The following ESR1 variants were observed in gnomAD, a reference collection of about 807,000 sequenced individuals.
ESR1 encodes the protein estrogen receptor 1, also known as estrogen receptor.
ESR1 carries 12 observed loss-of-function variants against 52.7 expected under a neutral mutation model. The ratio of observed to expected loss-of-function variants is 0.23; its 90% CI spans 0.15 to 0.37. ESR1 has a LOEUF of 0.37. Ranked by LOEUF, ESR1 falls within the 10% of genes least tolerant of loss-of-function variation. The pLI is 1.00. For synonymous variants in ESR1, 305 were observed against 316.8 expected (o/e 0.96, Z 0.39); for missense variants, 584 against 779.7 (o/e 0.75, Z 2.99).
chr6:151,667,784 G>C (rs1465704084), intron 1 of ESR1, among the ~76,000 whole-genome samples: 3 of 152,182 alleles, frequency 2.0e-5, no homozygotes, highest in Non-Finnish European at 1.5e-5. Context: ...AAAATATGCT[G>C]ATGAGCCACA....
intron 4 of ESR1, among the ~76,000 whole-genome samples, chr6:151,958,263 G>GA (rs2037228771): frequency 6.6e-6 from 1 of 152,094 alleles, no homozygotes; most frequent in Non-Finnish European, 1.5e-5. Flanking sequence ...TTATAACTTT[G>GA]AAAAGGAATT....
intron 2 of ESR1, among the ~76,000 whole-genome samples, chr6:151,761,172 TA>T (rs560416730): frequency 2.8e-4 from 41 of 146,902 alleles, no homozygotes; most frequent in South Asian, 4.3e-4. Context: ...GTCAAAGCAT[TA>T]AAAAAAAAAA....
chr6:151,810,539 T>A (rs1460776041), intron 1 of ESR1, among the ~76,000 whole-genome samples: 4 of 152,238 alleles, frequency 2.6e-5, no homozygotes, highest in African/African-American at 4.8e-5. Flanking sequence ...TAGGAAACTT[T>A]AAGTTTCTTA....
chr6:152,077,254 A>T (rs1217396250), intron 6 of ESR1, among the ~76,000 whole-genome samples: 1 of 152,164 alleles, frequency 6.6e-6, no homozygotes, highest in Admixed American at 6.5e-5. Flanking sequence ...GGCAGCTTTC[A>T]TGTGGTGTTG....
intron 3 of ESR1, among the ~76,000 whole-genome samples, chr6:151,884,007 T>C (rs1035272803): frequency 6.6e-6 from 1 of 152,078 alleles, no homozygotes; most frequent in Non-Finnish European, 1.5e-5. Context: ...TTTCAACATA[T>C]GAGTTTTAAG....
At chr6:151,796,923 G>A (rs1776766541) in intron 2 of ESR1, among the ~76,000 whole-genome samples, 2 of 152,104 alleles carry the variant, frequency 1.3e-5, no homozygotes, top group African/African-American at 4.8e-5. Context: ...TAGTTCCCTT[G>A]GCCAACCACC....
intron 3 of ESR1, among the ~76,000 whole-genome samples, chr6:151,926,773 A>T (rs937791671): frequency 1.3e-5 from 2 of 152,124 alleles, no homozygotes; most frequent in Non-Finnish European, 2.9e-5. Flanking sequence ...AATTTTCTGC[A>T]TAGATAATCA....
chr6:151,735,788 C>T (rs561510261), intron 2 of ESR1, among the ~76,000 whole-genome samples: 19 of 152,210 alleles, frequency 1.2e-4, no homozygotes, highest in African/African-American at 3.1e-4. Context: ...AGTCTTATCT[C>T]GAATTGTAAT....
At chr6:151,744,028 T>G (rs1783299582) in intron 2 of ESR1, among the ~76,000 whole-genome samples, 2 of 152,216 alleles carry the variant, frequency 1.3e-5, no homozygotes, top group Admixed American at 6.5e-5. Context: ...GACTGACTTC[T>G]TTTACTTAGC....
intron 5 of ESR1, among the ~76,000 whole-genome samples, chr6:152,039,344 G>A (rs2982718): frequency 0.44 from 66,777 of 151,950 alleles, 16,615 homozygotes; most frequent in African/African-American, 0.67. Flanking sequence ...TTCCACACAT[G>A]TTCTTCCTTA....
intron 2 of ESR1, among the ~76,000 whole-genome samples, chr6:151,716,090 G>A (rs1781008934): frequency 1.3e-5 from 2 of 152,098 alleles, no homozygotes; most frequent in Non-Finnish European, 1.5e-5. Context: ...TAACAGTCAG[G>A]CCCCTCTGCT....
At chr6:151,754,680 C>T (rs936458207) in intron 2 of ESR1, among the ~76,000 whole-genome samples, 1 of 152,122 alleles carries the variant, frequency 6.6e-6, no homozygotes, top group Non-Finnish European at 1.5e-5. Flanking sequence ...TTTTCTTTCT[C>T]TGTTGGCTCA....
intron 3 of ESR1, among the ~76,000 whole-genome samples, chr6:151,885,991 A>G (rs529338458): frequency 6.6e-6 from 1 of 152,280 alleles, no homozygotes; most frequent in Non-Finnish European, 1.5e-5. Context: ...TTTTTGTCTT[A>G]AAAATAATTA....
In ESR1 at chr6:152,046,994, C is replaced by T. The variant is rs142654213; in HGVS notation, c.1236-13997C>T. 4.0e-3 allele frequency among the ~76,000 whole-genome samples: 603 copies of T among 152,310 alleles called. 7 individuals are homozygous for T. Among genetic ancestry groups the T allele is most frequent in the African/African-American group, 0.014 (570 of 41,572 alleles). On this transcript the variant is annotated intron_variant, in intron 5 of 7. Coordinates refer to ENST00000206249, the MANE Select transcript of ESR1 (RefSeq NM_000125.4). ...GAACCAACCACGAAAATAACCACCT[C>T]TTACCCTCATGAAGAACACTTTAAG...
At chr6:151,697,621 T>C (rs1363118309) in intron 1 of ESR1, among the ~76,000 whole-genome samples, 1 of 152,252 alleles carries the variant, frequency 6.6e-6, no homozygotes, top group Non-Finnish European at 1.5e-5. Flanking sequence ...ATTCAGACCA[T>C]TTGAATTTTT....
intron 2 of ESR1, among the ~76,000 whole-genome samples, chr6:151,768,083 A>G (rs1199312984): frequency 1.3e-5 from 2 of 152,228 alleles, no homozygotes; most frequent in Non-Finnish European, 2.9e-5. Context: ...TCGTGAGGGA[A>G]AACAGGACCA....
chr6:151,774,608 C>T (rs1003247731), intron 2 of ESR1, among the ~76,000 whole-genome samples: 31 of 152,116 alleles, frequency 2.0e-4, no homozygotes, highest in African/African-American at 7.2e-4. Context: ...CACCAACTTC[C>T]AACTGTAGAA....
At chr6:151,893,064 G>A (rs999029316) in intron 3 of ESR1, among the ~76,000 whole-genome samples, 4 of 152,182 alleles carry the variant, frequency 2.6e-5, no homozygotes, top group Admixed American at 6.5e-5. Context: ...GGTGGCGGGC[G>A]CCTGTAGTCG....
intron 4 of ESR1, among the ~76,000 whole-genome samples, chr6:151,997,776 C>T (rs2041620496): frequency 6.6e-6 from 1 of 152,126 alleles, no homozygotes; most frequent in South Asian, 2.1e-4. Flanking sequence ...TTTGCTAAAA[C>T]TCCACTGGAT....
Sources: gnomAD v4.1 joint callset for allele counts (sites outside exome capture counted in the v4.1 genomes callset) on GRCh38, gnomAD v4.1.1 for gene constraint, MANE v1.5 for transcripts, NCBI Gene and HGNC (gene_info 2026-07-23, HGNC 2026-07-21) for gene names.